AKAP19: variants seen among roughly 807,000 people sequenced by gnomAD.
AKAP19 encodes A-kinase anchoring protein 19.
chr2:189,899,145 TC>T, the AKAP19 span, among the ~76,000 whole-genome samples: 1 of 152,146 alleles, frequency 6.6e-6, no homozygotes, highest in South Asian at 2.1e-4. Flanking sequence ...CCAGCAAACT[TC>T]TATTTATCTT....
chr2:190,172,933 C>T, the AKAP19 span, among the ~76,000 whole-genome samples: 5 of 152,086 alleles, frequency 3.3e-5, no homozygotes, highest in Non-Finnish European at 2.9e-5. Flanking sequence ...CCCAAAATGG[C>T]GAAACCCCGT....
chr2:189,945,736 G>A, the AKAP19 span, among the ~76,000 whole-genome samples: 1 of 152,096 alleles, frequency 6.6e-6, no homozygotes, highest in African/African-American at 2.4e-5. Context: ...GTACTTCCAG[G>A]GGTCCTTTAT....
the AKAP19 span, among the ~76,000 whole-genome samples, chr2:190,167,876 G>T: frequency 6.6e-6 from 1 of 152,202 alleles, no homozygotes; most frequent in Non-Finnish European, 1.5e-5. Flanking sequence ...AGTGTATGTG[G>T]CTTTTCCAGG....
chr2:189,889,501 T>C, the AKAP19 span, among the ~76,000 whole-genome samples: 1 of 152,212 alleles, frequency 6.6e-6, no homozygotes, highest in African/African-American at 2.4e-5. Context: ...TCAGAAGGAA[T>C]GGTACCCTCT....
the AKAP19 span, chr2:190,057,433 A>T: frequency 6.2e-7 from 1 of 1,613,522 alleles, no homozygotes; most frequent in Admixed American, 1.7e-5. Context: ...ATATTTTTGT[A>T]AAAATACAAA....
the AKAP19 span, among the ~76,000 whole-genome samples, chr2:189,912,358 T>G: frequency 0.013 from 1,914 of 152,166 alleles, 38 homozygotes; most frequent in African/African-American, 0.044. Flanking sequence ...CTGGCCAACA[T>G]GACGAAACCC....
At chr2:189,898,029 G>GA in the AKAP19 span, among the ~76,000 whole-genome samples, 2 of 151,930 alleles carry the variant, frequency 1.3e-5, no homozygotes, top group Non-Finnish European at 2.9e-5. Context: ...GCAACATTGT[G>GA]AAAACCCCAT....
the AKAP19 span, among the ~76,000 whole-genome samples, chr2:190,087,332 T>A: frequency 1.3e-5 from 2 of 152,170 alleles, no homozygotes; most frequent in African/African-American, 4.8e-5. Flanking sequence ...AAAAGAATCC[T>A]ATGTTCTTAA....
the AKAP19 span, among the ~76,000 whole-genome samples, chr2:190,131,315 A>G: frequency 6.6e-6 from 1 of 152,202 alleles, no homozygotes. Flanking sequence ...AGGAAAGGGA[A>G]GAGAGGTTGG....
chr2:190,183,458 T>C, the AKAP19 span, among the ~76,000 whole-genome samples: 1 of 152,184 alleles, frequency 6.6e-6, no homozygotes, highest in African/African-American at 2.4e-5. Flanking sequence ...AACATTAGTT[T>C]AAAAATGAAT....
chr2:190,009,418 A>G, the AKAP19 span, among the ~76,000 whole-genome samples: 1 of 152,214 alleles, frequency 6.6e-6, no homozygotes, highest in South Asian at 2.1e-4. Context: ...AGGTAGATCC[A>G]GAAAGATATT....
the AKAP19 span, among the ~76,000 whole-genome samples, chr2:189,931,178 A>C: frequency 1.3e-5 from 2 of 151,760 alleles, no homozygotes; most frequent in East Asian, 3.9e-4. Context: ...CTTACTTGAA[A>C]CAGTTATGGT....
chr2:190,092,862 A>G, the AKAP19 span, among the ~76,000 whole-genome samples: 1 of 152,202 alleles, frequency 6.6e-6, no homozygotes, highest in Non-Finnish European at 1.5e-5. Flanking sequence ...GGAGAGGAGT[A>G]GGTATTAAAA....
the AKAP19 span, among the ~76,000 whole-genome samples, chr2:190,176,584 G>A: frequency 2.6e-5 from 4 of 152,242 alleles, no homozygotes; most frequent in East Asian, 3.9e-4. This position sits in a 1 kb window ranked among gnomAD's most constrained non-coding sequence, Gnocchi z 4.7. Flanking sequence ...TCCTGACCTC[G>A]TGATCTGCCT....
chr2:189,983,037 G>T, the AKAP19 span, among the ~76,000 whole-genome samples: 1 of 152,136 alleles, frequency 6.6e-6, no homozygotes, highest in East Asian at 1.9e-4. Flanking sequence ...CTAATGTTGA[G>T]TGGAAGCACC....
At chr2:189,984,239 CTA>C in the AKAP19 span, among the ~76,000 whole-genome samples, 1 of 152,158 alleles carries the variant, frequency 6.6e-6, no homozygotes, top group Admixed American at 6.5e-5. Flanking sequence ...AGACTGGAGT[CTA>C]TCTCACCTCT....
At chr2:189,950,573 A>G in the AKAP19 span, among the ~76,000 whole-genome samples, 2 of 152,012 alleles carry the variant, frequency 1.3e-5, no homozygotes, top group African/African-American at 4.8e-5. Flanking sequence ...AGATTAAGGA[A>G]GACCACCAAA....
the AKAP19 span, among the ~76,000 whole-genome samples, chr2:189,953,878 A>G: frequency 1.3e-5 from 2 of 152,226 alleles, no homozygotes; most frequent in Non-Finnish European, 2.9e-5. Context: ...ACTAAGCTGC[A>G]TCTTTTGTTT....
At chr2:190,018,501 C>T in the AKAP19 span, among the ~76,000 whole-genome samples, 1 of 151,764 alleles carries the variant, frequency 6.6e-6, no homozygotes, top group Non-Finnish European at 1.5e-5. Context: ...TTTTAAATTG[C>T]TTCTATTTCA....
Sources: gnomAD v4.1 joint callset for allele counts (sites outside exome capture counted in the v4.1 genomes callset) on GRCh38, gnomAD v4.1.1 for gene constraint, Gnocchi (gnomAD v3.1) non-coding constraint, MANE v1.5 for transcripts, NCBI Gene and HGNC (gene_info 2026-07-23, HGNC 2026-07-21) for gene names.